PDGFD: variants seen among roughly 807,000 people sequenced by gnomAD.
The protein encoded by PDGFD is platelet derived growth factor D.
A neutral mutation model predicts 44.7 loss-of-function variants in PDGFD; 30 were observed. The ratio of observed to expected loss-of-function variants is 0.67; its 90% CI spans 0.50 to 0.91. The LOEUF (loss-of-function observed/expected upper bound fraction) is 0.91. PDGFD is among the 40% of genes least tolerant of loss of function. The pLI is 0.00. For synonymous variants in PDGFD, 173 were observed against 168.4 expected, an observed-to-expected ratio of 1.03 and a Z score of -0.21; for missense variants, 445 against 457.8, an observed-to-expected ratio of 0.97 and a Z score of 0.25.
chr11:104,053,620 T>C (rs1164843484), intron 1 of PDGFD, among the ~76,000 whole-genome samples: 1 of 152,166 alleles, frequency 6.6e-6, no homozygotes, highest in Non-Finnish European at 1.5e-5. Flanking sequence ...TAAAACCAAA[T>C]TGCATTCACA....
At chr11:103,928,463 C>T (rs1005676871) in intron 5 of PDGFD, among the ~76,000 whole-genome samples, 8 of 152,146 alleles carry the variant, frequency 5.3e-5, no homozygotes, top group African/African-American at 7.2e-5. Context: ...GAAAAAAAGC[C>T]TTTGGGAGCA....
chr11:103,912,935 A>G (rs774142835), intron 6 of PDGFD, among the ~76,000 whole-genome samples: 4 of 152,232 alleles, frequency 2.6e-5, no homozygotes, highest in Non-Finnish European at 4.4e-5. Flanking sequence ...AGAGCTAACT[A>G]TCCTAAATAT....
chr11:104,004,524 A>G (rs1325402228), intron 1 of PDGFD, among the ~76,000 whole-genome samples: 1 of 152,146 alleles, frequency 6.6e-6, no homozygotes, highest in East Asian at 1.9e-4. Flanking sequence ...TGGAGCGGGA[A>G]GGGGTTCTGG....
intron 1 of PDGFD, among the ~76,000 whole-genome samples, chr11:104,059,604 C>G (rs1036618780): frequency 1.3e-5 from 2 of 152,142 alleles, no homozygotes; most frequent in Non-Finnish European, 2.9e-5. Flanking sequence ...TATAAAAACT[C>G]CCACTTTTAA....
intron 1 of PDGFD, among the ~76,000 whole-genome samples, chr11:104,151,735 C>T (rs987236360): frequency 4.6e-5 from 7 of 152,084 alleles, no homozygotes; most frequent in Admixed American, 2.6e-4. Context: ...GACTTCTGGT[C>T]CTAAAATTAA....
At chr11:103,999,309 A>C (rs911384579) in intron 2 of PDGFD, among the ~76,000 whole-genome samples, 1 of 148,474 alleles carries the variant, frequency 6.7e-6, no homozygotes, top group African/African-American at 2.4e-5. Flanking sequence ...AGTAAAGTAC[A>C]AAAAAGAAAA....
At chr11:104,092,415 G>A (rs190614716) in intron 1 of PDGFD, among the ~76,000 whole-genome samples, 12 of 152,170 alleles carry the variant, frequency 7.9e-5, no homozygotes, top group Admixed American at 4.6e-4. Context: ...CAGAACAACC[G>A]AGGACCTACT....
intron 5 of PDGFD, among the ~76,000 whole-genome samples, chr11:103,942,631 A>G (rs1004900219): frequency 1.3e-5 from 2 of 152,026 alleles, no homozygotes; most frequent in African/African-American, 4.8e-5. Context: ...TAAACCACCC[A>G]GGCACCAAGC....
chr11:104,162,321 T>G (rs1441239146), intron 1 of PDGFD, among the ~76,000 whole-genome samples: 2 of 152,242 alleles, frequency 1.3e-5, no homozygotes, highest in East Asian at 1.9e-4. Context: ...ACAAGTGGAA[T>G]TTTACTCTAT....
chr11:104,013,056 CA>C (rs1447650296), intron 1 of PDGFD, among the ~76,000 whole-genome samples: 1 of 152,208 alleles, frequency 6.6e-6, no homozygotes, highest in African/African-American at 2.4e-5. Context: ...ATAAAAACCC[CA>C]AACTCCGCTG....
intron 1 of PDGFD, chr11:104,036,443 C>CA (rs140080456): frequency 0.077 from 16,626 of 215,884 alleles, 611 homozygotes; most frequent in African/African-American, 0.1. Context: ...GATCCTGTCT[C>CA]AAAAAAAAAT....
At chr11:103,986,893 A>C (rs1228686485) in intron 3 of PDGFD, among the ~76,000 whole-genome samples, 2 of 152,280 alleles carry the variant, frequency 1.3e-5, no homozygotes, top group East Asian at 3.9e-4. Context: ...ATCAGTGCTT[A>C]AGATATTTTG....
At chr11:103,969,690 A>G (rs1233836700) in intron 3 of PDGFD, among the ~76,000 whole-genome samples, 1 of 151,634 alleles carries the variant, frequency 6.6e-6, no homozygotes, top group Non-Finnish European at 1.5e-5. Flanking sequence ...CATGCATTTG[A>G]CTCTGCTAAC....
At chr11:104,155,808 T>C (rs965404874) in intron 1 of PDGFD, among the ~76,000 whole-genome samples, 5 of 152,224 alleles carry the variant, frequency 3.3e-5, no homozygotes, top group African/African-American at 1.2e-4. Flanking sequence ...AATGTTTCAA[T>C]GAAATGCAGG....
chr11:104,069,509 A>T (rs1470174616), intron 1 of PDGFD, among the ~76,000 whole-genome samples: 1 of 152,222 alleles, frequency 6.6e-6, no homozygotes, highest in Admixed American at 6.5e-5. Context: ...ACTTTCACAC[A>T]TTTCTTTTAG....
chr11:104,125,071 T>C (rs1439484153), intron 1 of PDGFD, among the ~76,000 whole-genome samples: 3 of 152,174 alleles, frequency 2.0e-5, no homozygotes, highest in Admixed American at 6.6e-5. Flanking sequence ...GGCACTCTTG[T>C]TAAGTTTCAG....
chr11:103,911,808 G>A (rs941603452), intron 6 of PDGFD, among the ~76,000 whole-genome samples: 8 of 151,770 alleles, frequency 5.3e-5, no homozygotes, highest in Non-Finnish European at 1.2e-4. Context: ...GCTGAAAAAC[G>A]CAAGACAAGA....
At chr11:104,093,810 A>T (rs1861244857) in intron 1 of PDGFD, among the ~76,000 whole-genome samples, 1 of 150,354 alleles carries the variant, frequency 6.7e-6, no homozygotes, top group Non-Finnish European at 1.5e-5. Context: ...ATGCTTCTGA[A>T]TCCCACTCTT....
At chr11:104,034,226 TGTGC>T (rs1418076502) in intron 1 of PDGFD, among the ~76,000 whole-genome samples, 1 of 152,222 alleles carries the variant, frequency 6.6e-6, no homozygotes, top group Non-Finnish European at 1.5e-5. Flanking sequence ...AATTTGTGTG[TGTGC>T]ATGTGCTCTA....
Sources: allele counts gnomAD v4.1 joint callset (sites outside exome capture counted in the v4.1 genomes callset), GRCh38; gene constraint gnomAD v4.1.1; transcripts MANE v1.5; gene names NCBI Gene and HGNC (gene_info 2026-07-23, HGNC 2026-07-21).